MAF: variants seen among roughly 807,000 people sequenced by gnomAD.
The protein encoded by MAF is MAF bZIP transcription factor, also known as transcription factor Maf.
MAF carries 10 observed loss-of-function variants against 22.0 expected under a neutral mutation model. That is an observed-to-expected ratio of 0.45 (90% CI 0.28 to 0.77). The LOEUF (loss-of-function observed/expected upper bound fraction) is 0.77. Ranked by LOEUF, MAF falls within the 30% of genes least tolerant of loss-of-function variation. The pLI is 0.12. For synonymous variants in MAF, 337 were observed against 255.8 expected, an observed-to-expected ratio of 1.32 and a Z score of -3.03; for missense variants, 544 against 548.4, an observed-to-expected ratio of 0.99 and a Z score of 0.08.
chr16:79,267,528 G>A, the MAF span, among the ~76,000 whole-genome samples: 7 of 152,320 alleles, frequency 4.6e-5, no homozygotes, highest in East Asian at 1.4e-3. Context: ...AGTACCAAGT[G>A]TGAAGATACA....
the MAF span, among the ~76,000 whole-genome samples, chr16:79,447,273 CA>C: frequency 6.7e-6 from 1 of 148,540 alleles, no homozygotes; most frequent in Non-Finnish European, 1.5e-5. Context: ...GATGACAGCA[CA>C]TCTGATTACA....
chr16:79,396,505 C>A, the MAF span, among the ~76,000 whole-genome samples: 3 of 152,192 alleles, frequency 2.0e-5, no homozygotes, highest in African/African-American at 4.8e-5. Context: ...GACCCACTAA[C>A]AATATCCCAA....
chr16:79,306,235 GTCCT>G, the MAF span, among the ~76,000 whole-genome samples: 1 of 152,162 alleles, frequency 6.6e-6, no homozygotes, highest in Admixed American at 6.5e-5. Context: ...TGCTTGACTT[GTCCT>G]GTCTTGTAAT....
the MAF span, among the ~76,000 whole-genome samples, chr16:79,550,776 A>G: frequency 1.4e-4 from 19 of 134,696 alleles, no homozygotes; most frequent in Admixed American, 1.4e-3. Context: ...CTGAAATTTC[A>G]GGCACACATA....
At chr16:79,262,569 T>G in the MAF span, among the ~76,000 whole-genome samples, 2 of 152,140 alleles carry the variant, frequency 1.3e-5, no homozygotes, top group African/African-American at 4.8e-5. Context: ...CGCAAAGGCA[T>G]GGAGGTGTGA....
At chr16:79,542,080 A>T in the MAF span, among the ~76,000 whole-genome samples, 1 of 152,162 alleles carries the variant, frequency 6.6e-6, no homozygotes, top group African/African-American at 2.4e-5. Flanking sequence ...TCCTGACTCC[A>T]AGCGTTTCAG....
the MAF span, among the ~76,000 whole-genome samples, chr16:79,504,819 T>C: frequency 6.6e-6 from 1 of 152,160 alleles, no homozygotes; most frequent in Admixed American, 6.5e-5. Context: ...GAGGGGACAA[T>C]ATACATTTTC....
the MAF span, among the ~76,000 whole-genome samples, chr16:79,265,370 T>C: frequency 0.023 from 3,427 of 152,242 alleles, 134 homozygotes; most frequent in African/African-American, 0.079. Context: ...CAATAGTTGG[T>C]TGTGGCAATG....
chr16:79,359,367 A>G, the MAF span, among the ~76,000 whole-genome samples: 1 of 152,234 alleles, frequency 6.6e-6, no homozygotes, highest in Non-Finnish European at 1.5e-5. Context: ...TCTAGGGCAC[A>G]GCAAAAAGTT....
At chr16:79,205,964 G>A in the MAF span, 1 of 152,160 alleles carries the variant, frequency 6.6e-6, no homozygotes, top group Non-Finnish European at 1.5e-5. Flanking sequence ...CAAAGAGTAG[G>A]TTTCTTAGTT....
chr16:79,218,382 A>C, the MAF span, among the ~76,000 whole-genome samples: 4 of 152,196 alleles, frequency 2.6e-5, no homozygotes, highest in African/African-American at 9.7e-5. Context: ...TGTTAGAACT[A>C]ATGGTTCAAT....
At chr16:79,574,722 C>T in the MAF span, among the ~76,000 whole-genome samples, 2 of 152,130 alleles carry the variant, frequency 1.3e-5, no homozygotes, top group Non-Finnish European at 2.9e-5. Flanking sequence ...TTCTAGACAC[C>T]AACTTCAACT....
the MAF span, chr16:79,204,481 T>C: frequency 6.6e-6 from 1 of 152,112 alleles, no homozygotes; most frequent in Non-Finnish European, 1.5e-5. Context: ...CTCAGAAAGA[T>C]AAAATAATTC....
chr16:79,440,905 C>A, the MAF span, among the ~76,000 whole-genome samples: 1 of 152,238 alleles, frequency 6.6e-6, no homozygotes, highest in Non-Finnish European at 1.5e-5. Context: ...AAGCTGTGCA[C>A]ACTTCCCAGC....
the MAF span, among the ~76,000 whole-genome samples, chr16:79,433,278 A>G: frequency 8.4e-6 from 1 of 119,658 alleles, no homozygotes; most frequent in African/African-American, 2.8e-5. Flanking sequence ...AAAAAAAAAA[A>G]TATATATATA....
the MAF span, among the ~76,000 whole-genome samples, chr16:79,407,549 T>G: frequency 1.3e-5 from 2 of 152,162 alleles, no homozygotes; most frequent in African/African-American, 2.4e-5. Context: ...GGGATTTAGC[T>G]GAACTCACGG....
the MAF span, among the ~76,000 whole-genome samples, chr16:79,420,088 G>A: frequency 2.0e-5 from 3 of 151,974 alleles, no homozygotes; most frequent in South Asian, 2.1e-4. Context: ...ACTGTGGCCA[G>A]CACCTACAAA....
At chr16:79,576,125 C>G in the MAF span, among the ~76,000 whole-genome samples, 1 of 150,360 alleles carries the variant, frequency 6.7e-6, no homozygotes, top group Non-Finnish European at 1.5e-5. Context: ...GGAATTGTAT[C>G]ACTGCTCTTG....
chr16:79,404,348 G>C, the MAF span, among the ~76,000 whole-genome samples: 1 of 152,032 alleles, frequency 6.6e-6, no homozygotes, highest in East Asian at 1.9e-4. Flanking sequence ...ATTTTTAGTA[G>C]AGACTGGGTT....
Sources: allele counts gnomAD v4.1 joint callset (sites outside exome capture counted in the v4.1 genomes callset), GRCh38; gene constraint gnomAD v4.1.1; transcripts MANE v1.5; gene names NCBI Gene and HGNC (gene_info 2026-07-23, HGNC 2026-07-21).